Variants in CHIC2 observed in about 807,000 individuals in gnomAD.
The protein encoded by CHIC2 is cysteine-rich hydrophobic domain-containing protein 2.
A neutral mutation model predicts 25.9 loss-of-function variants in CHIC2; 14 were observed. That is an observed-to-expected ratio of 0.54 (90% CI 0.36 to 0.85). The LOEUF (loss-of-function observed/expected upper bound fraction) is 0.85, where lower values mean the gene tolerates loss of function less well. CHIC2 is among the 40% of genes least tolerant of loss of function. The pLI, the probability that CHIC2 is intolerant of heterozygous loss-of-function variation, is 0.01. For missense variants in CHIC2, 146 were observed against 202.0 expected, an observed-to-expected ratio of 0.72 and a Z score of 1.68; for synonymous variants, 70 against 72.0, an observed-to-expected ratio of 0.97 and a Z score of 0.14.
upstream of CHIC2, among the ~76,000 whole-genome samples, chr4:54,066,082 G>A (rs57236580): frequency 0.025 from 3,776 of 152,284 alleles, 147 homozygotes; most frequent in African/African-American, 0.083. Context: ...ATCTCTGCCA[G>A]GGGCTCATGG....
In CHIC2 at chr4:54,064,406, G is replaced by A; in HGVS notation, c.-106C>T. On this transcript the variant is annotated 5_prime_UTR_variant, in exon 1 of 6. Transcript: ENST00000263921. The surrounding 1 kb of genome is among the most constrained non-coding windows in gnomAD (Gnocchi z 4.2). Reference sequence around the variant, plus strand: ...GCTGAGGGGAGTCGCCGCTGCCGCCGGCTCCGAGGCCGCGGAGTTCGCTGT... The same window carrying A: ...GCTGAGGGGAGTCGCCGCTGCCGCCAGCTCCGAGGCCGCGGAGTTCGCTGT... 2.6e-6 allele frequency: 4 copies of A among 1,540,666 alleles called. No individual in the cohort carries two copies. The highest frequency in any genetic ancestry group is 1.9e-4 in the Middle Eastern group (1 of 5,168).
At chr4:54,072,196 G>A in the CHIC2 span, among the ~76,000 whole-genome samples, 2 of 151,986 alleles carry the variant, frequency 1.3e-5, no homozygotes, top group East Asian at 1.9e-4. Context: ...CCAGCTATTC[G>A]GGAGGCTGAG....
Position 54,009,954 on chromosome 4 carries a change from T to TTA in CHIC2, c.*140_*141insTA, listed in dbSNP as rs749471465. The stretch of plus-strand genomic sequence containing the variant: ...TGCACACTTAGAACATGCGGTTATT[T>TTA]AAAAAAAAAACAAAAACAAAAACAA... On this transcript the variant is annotated 3_prime_UTR_variant, in exon 6 of 6. Coordinates refer to ENST00000263921, the MANE Select transcript of CHIC2 (RefSeq NM_012110.4). 4.2e-5 allele frequency: 17 copies of TTA among 400,540 alleles called. No homozygotes were observed. The highest frequency in any genetic ancestry group is 3.6e-4 in the African/African-American group (15 of 41,676). 24.8% of individuals were successfully genotyped at this position (400,540 alleles called of 1,614,324 possible). A position where few individuals can be genotyped will look rare whatever the true frequency, so the allele number is the denominator to read the frequency against.
At chr4:54,040,099 T>G (rs1048163503) in intron 3 of CHIC2, among the ~76,000 whole-genome samples, 1 of 152,188 alleles carries the variant, frequency 6.6e-6, no homozygotes, top group South Asian at 2.1e-4. Flanking sequence ...AGTAAGTTTT[T>G]TATGGAAAAC....
chr4:54,036,851 T>A, intron 3 of CHIC2, among the ~76,000 whole-genome samples: 1 of 149,416 alleles, frequency 6.7e-6, no homozygotes. Flanking sequence ...GGCATTCCAC[T>A]CAGGAATTTT....
the CHIC2 span, among the ~76,000 whole-genome samples, chr4:54,075,307 C>A: frequency 6.6e-6 from 1 of 152,096 alleles, no homozygotes; most frequent in African/African-American, 2.4e-5. Context: ...CTATAATGGA[C>A]TATGAGGTAA....
the CHIC2 span, among the ~76,000 whole-genome samples, chr4:54,080,227 A>G: frequency 2.0e-5 from 3 of 150,798 alleles, no homozygotes; most frequent in Non-Finnish European, 3.0e-5. Flanking sequence ...CAGCCATTAA[A>G]AAAAAGAAAA....
chr4:54,029,421 C>T (rs1480122547), intron 3 of CHIC2, among the ~76,000 whole-genome samples: 1 of 152,118 alleles, frequency 6.6e-6, no homozygotes, highest in Non-Finnish European at 1.5e-5. Flanking sequence ...TTATTGACCA[C>T]ATGAATATTT....
At chr4:54,065,504 GAGAAGAATGAA>G (rs548114817), upstream of CHIC2, among the ~76,000 whole-genome samples, 81 of 152,304 alleles carry the variant, frequency 5.3e-4, no homozygotes, top group Non-Finnish European at 1.0e-3. Flanking sequence ...AAGGAAGGAC[GAGAAGAATGAA>G]AGAAGAATGG....
intron 3 of CHIC2, among the ~76,000 whole-genome samples, chr4:54,041,399 G>A (rs1424155947): frequency 6.6e-6 from 1 of 152,066 alleles, no homozygotes; most frequent in Non-Finnish European, 1.5e-5. Flanking sequence ...TACCTAGACA[G>A]AATTCTGGGA....
rs768646974 is a variant in CHIC2, at chr4:54,064,312, G to A, written c.-12C>T. 4.3e-6 allele frequency: 7 copies of A among 1,612,906 alleles called. No individual in the cohort carries two copies. The African/African-American group carries it at 6.7e-5, about 15-fold the overall frequency. On this transcript the variant is annotated 5_prime_UTR_variant, in exon 1 of 6. Transcript: ENST00000263921. The surrounding 1 kb of genome is among the most constrained non-coding windows in gnomAD (Gnocchi z 4.2). ...TCGAAATCCGCCATCCTGAGCCTCC[G>A]AGCTCCCCTGCCCAAAGGGCCTGAC...
At chr4:54,032,992 G>A (rs926159198) in intron 3 of CHIC2, among the ~76,000 whole-genome samples, 1 of 152,152 alleles carries the variant, frequency 6.6e-6, no homozygotes, top group Non-Finnish European at 1.5e-5. Context: ...TTTTTTAAAA[G>A]TGTGTGGCAC....
At chr4:54,023,798 T>A (rs1715977011) in intron 3 of CHIC2, among the ~76,000 whole-genome samples, 1 of 152,204 alleles carries the variant, frequency 6.6e-6, no homozygotes, top group Non-Finnish European at 1.5e-5. Context: ...TACGCATCAA[T>A]ATCTATACTG....
intron 5 of CHIC2, among the ~76,000 whole-genome samples, chr4:54,010,554 T>C (rs1715557713): frequency 6.6e-6 from 1 of 152,094 alleles, no homozygotes; most frequent in South Asian, 2.1e-4. Context: ...TTGGGTCTCT[T>C]TAAACCCAAC....
chr4:54,018,734 T>C (rs1715813309), intron 3 of CHIC2, among the ~76,000 whole-genome samples: 1 of 152,094 alleles, frequency 6.6e-6, no homozygotes, highest in South Asian at 2.1e-4. Flanking sequence ...AAATATGCTA[T>C]GATATGCTAA....
chr4:54,034,229 A>C (rs1716314961), intron 3 of CHIC2, among the ~76,000 whole-genome samples: 1 of 151,808 alleles, frequency 6.6e-6, no homozygotes, highest in Non-Finnish European at 1.5e-5. Flanking sequence ...ATATCAAGAA[A>C]CCCTATCTCT....
At chr4:54,053,359 C>A (rs1717066380) in intron 1 of CHIC2, among the ~76,000 whole-genome samples, 1 of 152,084 alleles carries the variant, frequency 6.6e-6, no homozygotes, top group Non-Finnish European at 1.5e-5. Flanking sequence ...GAGTTCGAGA[C>A]CAACCTGGCC....
chr4:54,032,280 C>CCTCCCT (rs1162130295), intron 3 of CHIC2, among the ~76,000 whole-genome samples: 2 of 143,268 alleles, frequency 1.4e-5, no homozygotes, highest in African/African-American at 2.6e-5. Context: ...TCCCCCTCCC[C>CCTCCCT]CTCCCTCTCC....
In CHIC2 at chr4:54,029,049, G is replaced by A. The variant is rs149104693; in HGVS notation, c.331-14930C>T. ...GAGGCAGGACAATCACTCGAACTGG[G>A]GAGGTGGAGATTGCAGTGAGCCAAC... On this transcript the variant is annotated intron_variant, in intron 3 of 5. Coordinates refer to ENST00000263921, the MANE Select transcript of CHIC2 (RefSeq NM_012110.4). Among the ~76,000 whole-genome samples the A allele has an allele frequency of 1.9e-3, 288 of 152,086 alleles. 1 individual carries two copies. Among genetic ancestry groups the A allele is most frequent in the African/African-American group, 6.6e-3 (273 of 41,496 alleles).
Sources: allele counts gnomAD v4.1 joint callset (sites outside exome capture counted in the v4.1 genomes callset), GRCh38; gene constraint gnomAD v4.1.1; non-coding constraint Gnocchi (gnomAD v3.1); transcripts MANE v1.5; gene names NCBI Gene and HGNC (gene_info 2026-07-23, HGNC 2026-07-21).